Variants in BRINP2 observed in about 807,000 individuals in gnomAD.
The protein encoded by BRINP2 is BMP/retinoic acid inducible neural specific 2.
In BRINP2, 21 loss-of-function variants were observed where a neutral mutation model predicts 69.2. The observed-to-expected ratio is 0.30, with a 90% CI of 0.22 to 0.44. The LOEUF is 0.44. BRINP2 is among the 20% of genes least tolerant of loss of function. The pLI is 1.00. For synonymous variants in BRINP2, 380 were observed against 394.1 expected (o/e 0.96, Z 0.42); for missense variants, 877 against 986.0 (o/e 0.89, Z 1.48).
chr1:177,202,365 T>G (rs1304209743), intron 1 of BRINP2, among the ~76,000 whole-genome samples: 1 of 152,244 alleles, frequency 6.6e-6, no homozygotes. Context: ...CTCTACACAC[T>G]GCTTTGAATG....
chr1:177,274,686 T>C (rs930704622), intron 5 of BRINP2, among the ~76,000 whole-genome samples: 3 of 152,160 alleles, frequency 2.0e-5, no homozygotes, highest in Non-Finnish European at 4.4e-5. Context: ...GCACTGATTT[T>C]ATAGCATGGG....
chr1:177,185,495 C>G (rs1648401565), intron 1 of BRINP2, among the ~76,000 whole-genome samples: 1 of 152,150 alleles, frequency 6.6e-6, no homozygotes, highest in South Asian at 2.1e-4. Context: ...GAACAAAGTG[C>G]ATGCGGAGTT....
Position 177,274,273 on chromosome 1 carries a change from G to A in BRINP2, c.775+680G>A, listed in dbSNP as rs192860231. Among the ~76,000 whole-genome samples the A allele has an allele frequency of 5.3e-5, 8 of 152,334 alleles. No homozygotes were observed. In the East Asian group the frequency reaches 1.5e-3, roughly 29 times the overall value. On this transcript the variant is annotated intron_variant, in intron 5 of 7. Coordinates refer to ENST00000361539, the MANE Select transcript of BRINP2 (RefSeq NM_021165.4). ...GTGCATCTCTTGCTGTCTGTTCCCT[G>A]CAGGCATCCTGGGGGCAGGGCTATG...
At chr1:177,195,248 G>T (rs1648707255) in intron 1 of BRINP2, among the ~76,000 whole-genome samples, 1 of 151,918 alleles carries the variant, frequency 6.6e-6, no homozygotes, top group South Asian at 2.1e-4. Flanking sequence ...TTCAAGTTTT[G>T]GAGGCACTTC....
intron 1 of BRINP2, among the ~76,000 whole-genome samples, chr1:177,173,720 C>T (rs1648007736): frequency 6.6e-6 from 1 of 152,210 alleles, no homozygotes; most frequent in Non-Finnish European, 1.5e-5. Context: ...CCTGTGTCAT[C>T]ACCTTCTCCT....
chr1:177,281,437 A>G lies in BRINP2; in HGVS notation c.2261A>G (p.Asn754Ser), dbSNP rs773383120. 2.5e-6 allele frequency: 4 copies of G among 1,614,020 alleles called. No individual in the cohort carries two copies. Among genetic ancestry groups the G allele is most frequent in the African/African-American group, 2.7e-5 (2 of 75,014 alleles). ...LLRHRLKLAN[N>S]EVGRIQSSLR... The stretch of plus-strand genomic sequence containing the variant: ...CGGCATCGGCTTAAGCTGGCCAACA[A>G]TGAGGTGGGCAGGATCCAGTCCTCC... Residue 754 changes from asparagine to serine, a missense_variant, in exon 8 of 8, where the codon AAT (asparagine) becomes AGT (serine). This residue lies in a region of BRINP2 where 225 missense variants were observed against 218.7 expected (regional missense o/e 1.03). Coordinates refer to ENST00000361539, the MANE Select transcript of BRINP2 (RefSeq NM_021165.4).
At chr1:177,189,238 GA>G (rs370806337) in intron 1 of BRINP2, among the ~76,000 whole-genome samples, 7 of 147,294 alleles carry the variant, frequency 4.8e-5, no homozygotes, top group South Asian at 4.3e-4. Flanking sequence ...TAAGGAAGCT[GA>G]AAAAAAAAAG....
intron 2 of BRINP2, among the ~76,000 whole-genome samples, chr1:177,244,170 T>G (rs1650300451): frequency 6.6e-6 from 1 of 152,080 alleles, no homozygotes; most frequent in Admixed American, 6.5e-5. Context: ...GTGAAAAAAA[T>G]TTCTGGGGCT....
intron 2 of BRINP2, among the ~76,000 whole-genome samples, chr1:177,238,815 A>T (rs564414779): frequency 6.6e-6 from 1 of 152,380 alleles, no homozygotes; most frequent in African/African-American, 2.4e-5. Context: ...AATGACATTA[A>T]TGAATACTAG....
chr1:177,212,066 C>CAGATAGATAGAT (rs61645500), intron 1 of BRINP2, among the ~76,000 whole-genome samples: 11 of 149,152 alleles, frequency 7.4e-5, no homozygotes, highest in South Asian at 2.2e-4. Context: ...TCTATAGACA[C>CAGATAGATAGAT]AGATAGATAG....
intron 6 of BRINP2, among the ~76,000 whole-genome samples, chr1:177,277,824 G>A (rs915488860): frequency 2.6e-5 from 4 of 152,028 alleles, no homozygotes; most frequent in Admixed American, 2.0e-4. Context: ...GGTAGCTGCA[G>A]GTCCCAAGGA....
chr1:177,196,198 C>T (rs1558155253), intron 1 of BRINP2, among the ~76,000 whole-genome samples: 2 of 152,176 alleles, frequency 1.3e-5, no homozygotes, highest in Admixed American at 6.5e-5. Context: ...TTTCCTAACT[C>T]AGTTGGTTCA....
chr1:177,277,526 G>C (rs991267542), intron 6 of BRINP2, among the ~76,000 whole-genome samples: 1 of 151,354 alleles, frequency 6.6e-6, no homozygotes, highest in African/African-American at 2.4e-5. Context: ...TTTTACCTAT[G>C]CACATACTAG....
In BRINP2 at chr1:177,230,065, C is replaced by G. The variant is rs767825106; in HGVS notation, c.189C>G (p.Gly63=). The G allele has an allele frequency of 4.3e-6, 7 of 1,613,810 alleles. No individual in the cohort carries two copies. Among genetic ancestry groups the G allele is most frequent in the Non-Finnish European group, 5.9e-6 (7 of 1,179,996 alleles). ...TGGACTGGCTGCTCACAGACCGGGG[C>G]CCCTTCCACCGCGCTCAGGAGTATG... ...HPLDWLLTDR[G]PFHRAQEYAD... Residue 63 remains glycine, a synonymous_variant, in exon 2 of 8, where the codon GGC becomes GGG. Transcript: ENST00000361539.
intron 1 of BRINP2, among the ~76,000 whole-genome samples, chr1:177,219,663 T>C (rs1261195164): frequency 1.3e-5 from 2 of 152,194 alleles, no homozygotes; most frequent in Non-Finnish European, 1.5e-5. Context: ...AAGGTCCAAA[T>C]AGGGCAGAGC....
intron 4 of BRINP2, among the ~76,000 whole-genome samples, chr1:177,266,758 T>TAAAAAAAAAAAAAAAA (rs1223096305): frequency 5.1e-5 from 3 of 59,336 alleles, no homozygotes; most frequent in Admixed American, 2.1e-4. Context: ...AGACTCACTC[T>TAAAAAAAAAAAAAAAA]AAAAAAAAAA....
chr1:177,275,442 C>T (rs1342745254), intron 5 of BRINP2, among the ~76,000 whole-genome samples: 2 of 152,176 alleles, frequency 1.3e-5, no homozygotes, highest in African/African-American at 4.8e-5. Context: ...ATAGGACAGC[C>T]AGTCCCAGTT....
At chr1:177,202,308 A>G (rs1648937454) in intron 1 of BRINP2, among the ~76,000 whole-genome samples, 1 of 152,058 alleles carries the variant, frequency 6.6e-6, no homozygotes, top group Admixed American at 6.5e-5. Flanking sequence ...TGTCAATTTT[A>G]GATCTTTCCT....
intron 1 of BRINP2, among the ~76,000 whole-genome samples, chr1:177,187,321 C>A (rs1648456774): frequency 6.6e-6 from 1 of 152,108 alleles, no homozygotes; most frequent in Non-Finnish European, 1.5e-5. Context: ...TTCCAGAAGC[C>A]CAGATTGAAC....
Sources: gnomAD v4.1 joint callset for allele counts (sites outside exome capture counted in the v4.1 genomes callset) on GRCh38, gnomAD v4.1.1 for gene constraint, gnomAD v4.1.1 regional missense constraint, MANE v1.5 for transcripts, NCBI Gene and HGNC (gene_info 2026-07-23, HGNC 2026-07-21) for gene names.